ATP6V0A2: variants seen among roughly 807,000 people sequenced by gnomAD.
The protein encoded by ATP6V0A2 is ATPase H+ transporting V0 subunit a2.
A neutral mutation model predicts 104.4 loss-of-function variants in ATP6V0A2; 58 were observed. That is an observed-to-expected ratio of 0.56 (90% confidence interval 0.45 to 0.69). ATP6V0A2 has a LOEUF of 0.69. ATP6V0A2 is among the 30% of genes least tolerant of loss of function. The pLI is 0.00. For synonymous variants in ATP6V0A2, 376 were observed against 397.9 expected, an observed-to-expected ratio of 0.95 and a Z score of 0.65; for missense variants, 938 against 1,062.9, an observed-to-expected ratio of 0.88 and a Z score of 1.63.
At chr12:123,719,391 T>C (rs567371632) in intron 2 of ATP6V0A2, among the ~76,000 whole-genome samples, 1 of 133,934 alleles carries the variant, frequency 7.5e-6, no homozygotes, top group Non-Finnish European at 1.5e-5. Context: ...CAAAGCTTGT[T>C]TTTTTTTTTT....
chr12:123,741,949 C>T (rs1383601956), intron 9 of ATP6V0A2, among the ~76,000 whole-genome samples: 1 of 152,104 alleles, frequency 6.6e-6, no homozygotes, highest in African/African-American at 2.4e-5. Flanking sequence ...GCAAACACGT[C>T]GGGTCCTGGA....
Position 123,712,387 on chromosome 12 carries a change from C to G in ATP6V0A2, c.-179C>G, listed in dbSNP as rs1956300541. 2 of 362,732 alleles carry G rather than the reference C, an allele frequency of 5.5e-6. No individual in the cohort carries two copies. Among genetic ancestry groups the G allele is most frequent in the East Asian group, 9.1e-5 (2 of 22,098 alleles). 22.5% of individuals were successfully genotyped at this position (362,732 alleles called of 1,614,324 possible). ...CGGACTGCTGTGGCGGCAGCTGGAG[C>G]GGCGGCCGCGGTGGCAGAACCGGGG... On this transcript the variant is annotated 5_prime_UTR_variant, in exon 1 of 20. Transcript: ENST00000330342.
At chr12:123,737,779 A>C (rs537262273) in intron 9 of ATP6V0A2, 1 of 172,912 alleles carries the variant, frequency 5.8e-6, no homozygotes, top group South Asian at 1.3e-4. Context: ...TATTTCTTTG[A>C]GTTTCTTAAC....
At chr12:123,727,286 TTCTC>T (rs78457318) in intron 5 of ATP6V0A2, among the ~76,000 whole-genome samples, 1 of 97,476 alleles carries the variant, frequency 1.0e-5, no homozygotes, top group African/African-American at 4.0e-5. Context: ...TTCCAAGAAT[TTCTC>T]TCTTTTTTTT....
intron 18 of ATP6V0A2, among the ~76,000 whole-genome samples, chr12:123,755,535 C>CA (rs757366819): frequency 0.024 from 1,274 of 52,830 alleles, 17 homozygotes; most frequent in Middle Eastern, 0.071. Context: ...GACTCTGTCT[C>CA]AAAAAAAAAA....
At chr12:123,752,747 T>C (rs1360461831) in intron 17 of ATP6V0A2, among the ~76,000 whole-genome samples, 2 of 152,164 alleles carry the variant, frequency 1.3e-5, no homozygotes, top group Admixed American at 6.5e-5. Flanking sequence ...GAGACCCAGT[T>C]TTTTCTGATT....
intron 18 of ATP6V0A2, among the ~76,000 whole-genome samples, chr12:123,754,975 CACAGG>C (rs1956749603): frequency 6.6e-6 from 1 of 152,190 alleles, no homozygotes; most frequent in South Asian, 2.1e-4. Flanking sequence ...TAGCCTTGAT[CACAGG>C]AGTCCTCCCT....
intron 18 of ATP6V0A2, among the ~76,000 whole-genome samples, chr12:123,755,175 G>A (rs572122063): frequency 6.6e-6 from 1 of 152,140 alleles, no homozygotes; most frequent in South Asian, 2.1e-4. Flanking sequence ...AGTGGTGCTC[G>A]GCAATGTTTC....
intron 6 of ATP6V0A2, among the ~76,000 whole-genome samples, chr12:123,729,094 C>T (rs1165083675): frequency 6.6e-6 from 1 of 152,064 alleles, no homozygotes; most frequent in African/African-American, 2.4e-5. Context: ...TTTCAGCTTC[C>T]TCATTTATTT....
In ATP6V0A2 at chr12:123,754,473, T is replaced by G. The variant is rs150508296; in HGVS notation, c.2229T>G (p.Cys743Trp). ...AAGTAATCCATTCCATCGAGTACTGTCTGGGATGCATCTCCAACACCGCCT... is the reference window on the plus strand; with the variant it reads ...AAGTAATCCATTCCATCGAGTACTGGCTGGGATGCATCTCCAACACCGCCT... ...MTQVIHSIEY[C>W]LGCISNTASY... Residue 743 changes from cysteine (C) to tryptophan (W), a missense_variant, in exon 18 of 20, where the codon TGT becomes TGG. By Grantham distance (215) the Cys-to-Trp change is radical (BLOSUM62 -2). Transcript: ENST00000330342. 10 of 1,614,200 alleles carry G rather than the reference T, an allele frequency of 6.2e-6. No individual in the cohort carries two copies. The South Asian group carries it at 8.8e-5, about 14-fold the overall frequency.
chr12:123,756,827 T>A lies in ATP6V0A2; in HGVS notation c.2306T>A (p.Val769Asp). Residue 769 changes from valine to aspartate, a missense_variant, in exon 19 of 20, where the codon GTC (valine) becomes GAC (aspartate). By Grantham distance (152) the Val-to-Asp change is radical (BLOSUM62 -3). Coordinates refer to ENST00000330342, the MANE Select transcript of ATP6V0A2 (RefSeq NM_012463.4). ...CACTCCTTTGCAGAGTTGTCTGATG[T>A]CCTGTGGGCCATGCTGATGCGCGTG... ...LSLAHAQLSD[V>D]LWAMLMRVGL... 6.2e-7 allele frequency: 1 copy of A among 1,613,932 alleles called. No homozygotes were observed. Among genetic ancestry groups the A allele is most frequent in the Non-Finnish European group, 8.5e-7 (1 of 1,180,024 alleles).
intron 16 of ATP6V0A2, among the ~76,000 whole-genome samples, 158 bp downstream of exon 16, chr12:123,751,387 G>T (rs1956712671): frequency 6.6e-6 from 1 of 152,124 alleles, no homozygotes; most frequent in Non-Finnish European, 1.5e-5. Context: ...GGGTGTGGTG[G>T]CTCACACCTA....
At chr12:123,723,254 A>G (rs1956417490) in intron 3 of ATP6V0A2, 1 of 152,258 alleles carries the variant, frequency 6.6e-6, no homozygotes, top group Non-Finnish European at 1.5e-5. Context: ...GTCGCTTGTG[A>G]TGTAATTACA....
chr12:123,717,245 G>A (rs1956350631), intron 1 of ATP6V0A2, among the ~76,000 whole-genome samples: 1 of 148,596 alleles, frequency 6.7e-6, no homozygotes, highest in South Asian at 2.1e-4. Context: ...AACCTGGAAG[G>A]CGAAGGTTGC....
chr12:123,750,950 T>C, intron 15 of ATP6V0A2, 160 bp from the exon 16 acceptor site: 1 of 878,134 alleles, frequency 1.1e-6, no homozygotes, highest in South Asian at 1.4e-5. Flanking sequence ...GCTATGAGTT[T>C]AGGAAAAGAA....
intron 3 of ATP6V0A2, chr12:123,723,290 C>T (rs1956417883): frequency 6.6e-6 from 1 of 152,014 alleles, no homozygotes; most frequent in African/African-American, 2.4e-5. Context: ...GTGTACAGTG[C>T]TTGTAAGGCA....
chr12:123,718,727 C>T (rs1483979347), intron 2 of ATP6V0A2, 26 bp downstream of exon 2: 2 of 1,522,520 alleles, frequency 1.3e-6, no homozygotes, highest in Non-Finnish European at 1.8e-6. Context: ...GATTTAACAA[C>T]TTAAATAATT....
chr12:123,725,562 G>A (rs946226187), intron 4 of ATP6V0A2, among the ~76,000 whole-genome samples: 1 of 152,180 alleles, frequency 6.6e-6, no homozygotes, highest in Admixed American at 6.6e-5. Flanking sequence ...AGGATGGCTT[G>A]AGCCCAGGAG....
At chr12:123,717,728 G>A (rs551575289) in intron 1 of ATP6V0A2, among the ~76,000 whole-genome samples, 1 of 152,184 alleles carries the variant, frequency 6.6e-6, no homozygotes, top group East Asian at 1.9e-4. Flanking sequence ...ATCAACACGA[G>A]CTGCTGTGCC....
Sources: allele counts gnomAD v4.1 joint callset (sites outside exome capture counted in the v4.1 genomes callset), GRCh38; gene constraint gnomAD v4.1.1; transcripts MANE v1.5; gene names NCBI Gene and HGNC (gene_info 2026-07-23, HGNC 2026-07-21).